Variants in ASIC2 observed in about 807,000 individuals in gnomAD.
The protein encoded by ASIC2 is acid sensing ion channel subunit 2.
ASIC2 carries 25 observed loss-of-function variants against 57.3 expected under a neutral mutation model. That is an observed-to-expected ratio of 0.44 (90% confidence interval 0.32 to 0.61). The LOEUF (loss-of-function observed/expected upper bound fraction) is 0.61, where lower values mean the gene tolerates loss of function less well. ASIC2 is among the 20% of genes least tolerant of loss of function. The probability of loss-of-function intolerance (pLI) is 0.06; values close to 1 mark genes in which losing one functional copy is unlikely to be tolerated. For synonymous variants in ASIC2, 319 were observed against 307.5 expected (o/e 1.04, Z -0.39); for missense variants, 641 against 738.1 (o/e 0.87, Z 1.52).
At chr17:34,061,152 A>T (rs1304359944) in intron 1 of ASIC2, among the ~76,000 whole-genome samples, 4 of 152,230 alleles carry the variant, frequency 2.6e-5, no homozygotes, top group African/African-American at 9.6e-5. Context: ...CGGATTTCTC[A>T]GCAGAAACCC....
chr17:33,241,687 C>G (rs1330041645), intron 1 of ASIC2, among the ~76,000 whole-genome samples: 2 of 152,160 alleles, frequency 1.3e-5, no homozygotes, highest in Non-Finnish European at 2.9e-5. Flanking sequence ...ATCCTGTGGC[C>G]TAATTCCACT....
intron 1 of ASIC2, among the ~76,000 whole-genome samples, chr17:33,600,814 A>G (rs1339236480): frequency 1.3e-5 from 2 of 152,220 alleles, no homozygotes; most frequent in African/African-American, 2.4e-5. Flanking sequence ...CATAATCAGA[A>G]TGTTGGTAGA....
At chr17:33,343,316 T>C (rs1195694696) in intron 1 of ASIC2, among the ~76,000 whole-genome samples, 1 of 152,176 alleles carries the variant, frequency 6.6e-6, no homozygotes, top group Non-Finnish European at 1.5e-5. Flanking sequence ...GGACTTCTGC[T>C]CCCTCTTCTA....
intron 1 of ASIC2, among the ~76,000 whole-genome samples, chr17:33,474,292 G>A (rs984316289): frequency 6.6e-6 from 1 of 152,192 alleles, no homozygotes; most frequent in Non-Finnish European, 1.5e-5. Context: ...CCTTGAACCT[G>A]GGAGGTGGAG....
chr17:33,984,299 G>A lies in ASIC2; in HGVS notation c.555+171679C>T, dbSNP rs535322729. ...ATAGCAAAAGCAACAAAGCTGTGGG[G>A]CTTGTTGGTGCTTCATCGAACAGGC... On this transcript the variant is annotated intron_variant, in intron 1 of 9. Transcript: ENST00000359872. 3.3e-5 allele frequency: 5 copies of A among 152,368 alleles called. No individual in the cohort carries two copies. In the East Asian group the frequency reaches 5.8e-4, roughly 18 times the overall value. 9.4% of individuals were successfully genotyped at this position (152,368 alleles called of 1,614,324 possible).
At chr17:33,623,933 C>T (rs567562462) in intron 1 of ASIC2, among the ~76,000 whole-genome samples, 3 of 152,158 alleles carry the variant, frequency 2.0e-5, no homozygotes, top group Non-Finnish European at 4.4e-5. Flanking sequence ...TGGTGTCAGA[C>T]GCAGACCTTC....
intron 3 of ASIC2, among the ~76,000 whole-genome samples, chr17:33,065,020 G>A (rs1356527978): frequency 6.6e-6 from 1 of 152,142 alleles, no homozygotes; most frequent in Non-Finnish European, 1.5e-5. Context: ...GAAGGTTTGT[G>A]GCTTGGGGAA....
At chr17:33,467,209 G>A (rs1201758452) in intron 1 of ASIC2, among the ~76,000 whole-genome samples, 2 of 152,126 alleles carry the variant, frequency 1.3e-5, no homozygotes, top group African/African-American at 4.8e-5. Flanking sequence ...CCAAAGTGTT[G>A]GGATTACAGG....
chr17:33,114,791 G>C (rs2092274242), intron 1 of ASIC2, among the ~76,000 whole-genome samples: 1 of 152,210 alleles, frequency 6.6e-6, no homozygotes, highest in African/African-American at 2.4e-5. Context: ...TCCCAGGAGA[G>C]AGGAAATGAC....
At chr17:33,242,685 C>T (rs1437367612) in intron 1 of ASIC2, among the ~76,000 whole-genome samples, 2 of 152,190 alleles carry the variant, frequency 1.3e-5, no homozygotes, top group Non-Finnish European at 2.9e-5. Context: ...TTTCAATTTA[C>T]AAATTCCACT....
chr17:34,109,424 G>A (rs940205465), intron 1 of ASIC2, among the ~76,000 whole-genome samples: 6 of 151,984 alleles, frequency 3.9e-5, no homozygotes, highest in African/African-American at 7.3e-5. Flanking sequence ...TGTCTTCTAC[G>A]TACATGTATG....
At chr17:33,366,637 A>T (rs1044542423) in intron 1 of ASIC2, among the ~76,000 whole-genome samples, 41 of 152,212 alleles carry the variant, frequency 2.7e-4, no homozygotes, top group African/African-American at 9.6e-4. Context: ...CTATTTGTTT[A>T]TTTAATTGCT....
intron 1 of ASIC2, among the ~76,000 whole-genome samples, chr17:33,224,742 C>G (rs1907817594): frequency 6.6e-6 from 1 of 152,156 alleles, no homozygotes; most frequent in African/African-American, 2.4e-5. Context: ...CAGTGCTTGA[C>G]AGTGTTGGCA....
At chr17:33,038,256 C>G (rs776395624) in intron 3 of ASIC2, among the ~76,000 whole-genome samples, 1 of 152,194 alleles carries the variant, frequency 6.6e-6, no homozygotes, top group Non-Finnish European at 1.5e-5. Flanking sequence ...TCTATCCTTT[C>G]ATTTATTCAA....
intron 1 of ASIC2, among the ~76,000 whole-genome samples, chr17:33,674,458 G>T (rs1226772853): frequency 6.6e-6 from 1 of 152,314 alleles, no homozygotes; most frequent in African/African-American, 2.4e-5. Flanking sequence ...AGGAATAACT[G>T]AAATACTGTG....
At chr17:33,402,386 C>T (rs1209329612) in intron 1 of ASIC2, among the ~76,000 whole-genome samples, 1 of 152,128 alleles carries the variant, frequency 6.6e-6, no homozygotes, top group African/African-American at 2.4e-5. Context: ...TATCAACCCA[C>T]CACCTAGGTA....
chr17:33,593,135 A>C (rs9900677), intron 1 of ASIC2, among the ~76,000 whole-genome samples: 1 of 152,094 alleles, frequency 6.6e-6, no homozygotes, highest in Non-Finnish European at 1.5e-5. Flanking sequence ...GCCAGGATAT[A>C]CAAAGGACCT....
intron 1 of ASIC2, among the ~76,000 whole-genome samples, chr17:33,199,585 T>G (rs915271164): frequency 3.3e-5 from 5 of 152,214 alleles, no homozygotes; most frequent in African/African-American, 9.6e-5. Flanking sequence ...TTACATAAAG[T>G]GATACAGCAG....
At chr17:33,608,339 C>G (rs1216751750) in intron 1 of ASIC2, among the ~76,000 whole-genome samples, 1 of 152,132 alleles carries the variant, frequency 6.6e-6, no homozygotes, top group Non-Finnish European at 1.5e-5. Flanking sequence ...TGATCCCAGT[C>G]TGCTGCTCCT....
Sources: gnomAD v4.1 joint callset for allele counts (sites outside exome capture counted in the v4.1 genomes callset) on GRCh38, gnomAD v4.1.1 for gene constraint, MANE v1.5 for transcripts, NCBI Gene and HGNC (gene_info 2026-07-23, HGNC 2026-07-21) for gene names.